The following HMGCLL1 variants were observed in gnomAD, a reference collection of about 807,000 sequenced individuals.
HMGCLL1 encodes 3-hydroxy-3-methylglutaryl-CoA lyase like 1, also known as 3-hydroxymethyl-3-methylglutaryl-CoA lyase, cytoplasmic.
Under a neutral mutation model 39.1 loss-of-function variants are expected in HMGCLL1, and 36 were observed. The observed-to-expected ratio is 0.92, with a 90% CI of 0.71 to 1.22. The LOEUF is 1.22. Ranked by LOEUF, HMGCLL1 falls within the 50% of genes most tolerant of loss-of-function variation. The pLI, the probability that HMGCLL1 is intolerant of heterozygous loss-of-function variation, is 0.00. For missense variants in HMGCLL1, 451 were observed against 416.5 expected, an observed-to-expected ratio of 1.08 and a Z score of -0.72; for synonymous variants, 149 against 144.0, an observed-to-expected ratio of 1.03 and a Z score of -0.25.
At chr6:55,502,225 G>T (rs1181182744) in intron 5 of HMGCLL1, among the ~76,000 whole-genome samples, 1 of 151,534 alleles carries the variant, frequency 6.6e-6, no homozygotes, top group African/African-American at 2.4e-5. Context: ...TACTGTCTCT[G>T]GTCTCAGTTA....
the HMGCLL1 span, among the ~76,000 whole-genome samples, chr6:55,631,559 G>A: frequency 3.9e-5 from 6 of 152,048 alleles, no homozygotes; most frequent in African/African-American, 1.2e-4. Flanking sequence ...TGGTGTCTAC[G>A]ACTCCCAGCA....
the HMGCLL1 span, among the ~76,000 whole-genome samples, chr6:55,671,817 G>A: frequency 4.0e-5 from 6 of 151,392 alleles, no homozygotes; most frequent in Admixed American, 1.3e-4. Context: ...CCATTATTAG[G>A]GTATTGCTTA....
intron 1 of HMGCLL1, among the ~76,000 whole-genome samples, chr6:55,576,264 AT>A (rs1208706675): frequency 6.6e-6 from 1 of 152,192 alleles, no homozygotes; most frequent in African/African-American, 2.4e-5. Flanking sequence ...TTAGAAGTTA[AT>A]TTGTTGAAAA....
At chr6:55,650,124 TATATATATATAC>T in the HMGCLL1 span, among the ~76,000 whole-genome samples, 43 of 69,014 alleles carry the variant, frequency 6.2e-4, no homozygotes, top group East Asian at 2.3e-3. Flanking sequence ...TATATATATA[TATATATATATAC>T]ACACACACAC....
the HMGCLL1 span, among the ~76,000 whole-genome samples, chr6:55,628,158 T>A: frequency 2.2e-4 from 13 of 59,676 alleles, no homozygotes; most frequent in African/African-American, 8.0e-4. Context: ...ATATATAATA[T>A]ATATATAGTA....
At chr6:55,454,916 A>G (rs1390247269) in intron 7 of HMGCLL1, among the ~76,000 whole-genome samples, 1 of 151,232 alleles carries the variant, frequency 6.6e-6, no homozygotes, top group Non-Finnish European at 1.5e-5. Context: ...GTGTTTTTAC[A>G]TAGATATAAA....
chr6:55,614,820 C>A, the HMGCLL1 span, among the ~76,000 whole-genome samples: 1 of 152,050 alleles, frequency 6.6e-6, no homozygotes, highest in Non-Finnish European at 1.5e-5. Context: ...GTCTAAGCAA[C>A]AGCAACAATA....
chr6:55,592,221 C>T, the HMGCLL1 span, among the ~76,000 whole-genome samples: 1 of 151,918 alleles, frequency 6.6e-6, no homozygotes, highest in Admixed American at 6.6e-5. Context: ...CCTCTAGTGT[C>T]TTTTATTTTA....
the HMGCLL1 span, among the ~76,000 whole-genome samples, chr6:55,613,670 C>G: frequency 7.9e-6 from 1 of 125,846 alleles, no homozygotes; most frequent in Non-Finnish European, 1.8e-5. Context: ...AGCAAACTAA[C>G]AGAGGCACAG....
chr6:55,530,867 A>C (rs1402256405), intron 3 of HMGCLL1, among the ~76,000 whole-genome samples: 3 of 152,184 alleles, frequency 2.0e-5, no homozygotes, highest in Non-Finnish European at 4.4e-5. Flanking sequence ...TTTAAAAAAT[A>C]TTCAAATAAC....
At chr6:55,451,511 T>C (rs1026710273) in intron 7 of HMGCLL1, among the ~76,000 whole-genome samples, 3 of 151,864 alleles carry the variant, frequency 2.0e-5, no homozygotes, top group African/African-American at 7.3e-5. Context: ...GATCGCGCCA[T>C]TGCACTCCTG....
chr6:55,518,406 G>T lies in HMGCLL1; in HGVS notation c.298-1803C>A, dbSNP rs527849562. On this transcript the variant is annotated intron_variant, in intron 3 of 8. Coordinates refer to ENST00000274901, the MANE Select transcript of HMGCLL1 (RefSeq NM_001042406.2). ...TGTGGCATTGTTCCAACAAAAAATG[G>T]CCACACCAATATTTCTGGTCCTGTA... 2.8e-4 allele frequency among the ~76,000 whole-genome samples: 42 copies of T among 152,200 alleles called. 1 individual carries two copies. In the South Asian group the frequency reaches 8.7e-3, roughly 31 times the overall value.
At chr6:55,594,175 A>T in the HMGCLL1 span, among the ~76,000 whole-genome samples, 2 of 152,240 alleles carry the variant, frequency 1.3e-5, no homozygotes, top group Non-Finnish European at 2.9e-5. Context: ...ATTCATAATT[A>T]TAAAAAAATT....
chr6:55,450,203 C>T (rs1458433385), intron 7 of HMGCLL1, among the ~76,000 whole-genome samples: 3 of 152,178 alleles, frequency 2.0e-5, no homozygotes, highest in Admixed American at 6.5e-5. Context: ...ATGAGTGCAA[C>T]AGATGGTTAA....
At chr6:55,446,871 A>T (rs1206344399) in intron 7 of HMGCLL1, among the ~76,000 whole-genome samples, 1 of 151,974 alleles carries the variant, frequency 6.6e-6, no homozygotes. Flanking sequence ...AAACAATTAG[A>T]TCTGGATTAT....
the HMGCLL1 span, among the ~76,000 whole-genome samples, chr6:55,638,732 A>C: frequency 6.6e-6 from 1 of 152,286 alleles, no homozygotes; most frequent in African/African-American, 2.4e-5. Flanking sequence ...AGATATGCCA[A>C]GTGAAGAAAT....
intron 7 of HMGCLL1, among the ~76,000 whole-genome samples, chr6:55,445,870 C>T (rs1763807610): frequency 6.6e-6 from 1 of 152,018 alleles, no homozygotes; most frequent in South Asian, 2.1e-4. Flanking sequence ...CATTTACAAC[C>T]CCACTCACTG....
At chr6:55,505,713 T>A (rs1399619120) in intron 5 of HMGCLL1, among the ~76,000 whole-genome samples, 1 of 151,620 alleles carries the variant, frequency 6.6e-6, no homozygotes, top group Admixed American at 6.6e-5. Context: ...AGAAAAAAAA[T>A]TTCATGTAAT....
At chr6:55,507,139 C>T (rs1767209902) in intron 5 of HMGCLL1, among the ~76,000 whole-genome samples, 1 of 151,554 alleles carries the variant, frequency 6.6e-6, no homozygotes, top group Admixed American at 6.6e-5. Context: ...TGACCCCAAG[C>T]CATTACTGCA....
Sources: gnomAD v4.1 joint callset for allele counts (sites outside exome capture counted in the v4.1 genomes callset) on GRCh38, gnomAD v4.1.1 for gene constraint, MANE v1.5 for transcripts, NCBI Gene and HGNC (gene_info 2026-07-23, HGNC 2026-07-21) for gene names.